The following TSPAN2 variants were observed in gnomAD, a reference collection of about 807,000 sequenced individuals.
TSPAN2 encodes tetraspanin-2.
Under a neutral mutation model 33.3 loss-of-function variants are expected in TSPAN2, and 24 were observed. The ratio of observed to expected loss-of-function variants is 0.72; its 90% confidence interval spans 0.52 to 1.01. The LOEUF (loss-of-function observed/expected upper bound fraction) is 1.01, where lower values mean the gene tolerates loss of function less well. TSPAN2 is among the 50% of genes least tolerant of loss of function. The probability of loss-of-function intolerance (pLI) is 0.00; values close to 1 mark genes in which losing one functional copy is unlikely to be tolerated. For synonymous variants in TSPAN2, 114 were observed against 104.5 expected (o/e 1.09, Z -0.56); for missense variants, 278 against 281.3 (o/e 0.99, Z 0.08).
At chr1:115,073,864 G>A (rs1178027759) in intron 1 of TSPAN2, among the ~76,000 whole-genome samples, 3 of 152,020 alleles carry the variant, frequency 2.0e-5, no homozygotes, top group Non-Finnish European at 4.4e-5. Context: ...CAGCTTGGAA[G>A]TTGGAAGCCC....
At chr1:115,085,008 C>T (rs144123328) in intron 1 of TSPAN2, among the ~76,000 whole-genome samples, 1 of 152,284 alleles carries the variant, frequency 6.6e-6, no homozygotes, top group East Asian at 1.9e-4. Context: ...GATAGGAAAA[C>T]ACTGACCATA....
chr1:115,057,455 C>T (rs1647476328), intron 6 of TSPAN2, 82 bp downstream of exon 6: 1 of 1,319,140 alleles, frequency 7.6e-7, no homozygotes, highest in South Asian at 1.2e-5. Context: ...ATGCAGATCC[C>T]ATCCGAGATT....
chr1:115,064,202 G>A (rs1647849265), intron 2 of TSPAN2, among the ~76,000 whole-genome samples: 1 of 152,234 alleles, frequency 6.6e-6, no homozygotes, highest in Non-Finnish European at 1.5e-5. Flanking sequence ...CAAGATGGCT[G>A]TAGGCAGGAT....
chr1:115,063,569 A>C (rs918682840), intron 2 of TSPAN2, among the ~76,000 whole-genome samples: 23 of 152,264 alleles, frequency 1.5e-4, no homozygotes, highest in Admixed American at 1.2e-3. Flanking sequence ...TGCTGGGTAA[A>C]TACCTAAAGG....
chr1:115,053,582 C>T, intron 6 of TSPAN2, 120 bp from the exon 7 acceptor site: 1 of 815,822 alleles, frequency 1.2e-6, no homozygotes. Context: ...CCAGCTTCTA[C>T]TCATGTTTCA....
chr1:115,060,425 T>A (rs1325019139), intron 4 of TSPAN2, 39 bp downstream of exon 4: 1 of 1,486,694 alleles, frequency 6.7e-7, no homozygotes, highest in African/African-American at 1.4e-5. Flanking sequence ...CTAACACTTT[T>A]AACCATCATA....
chr1:115,075,282 C>T (rs1453374694), intron 1 of TSPAN2, among the ~76,000 whole-genome samples: 1 of 152,156 alleles, frequency 6.6e-6, no homozygotes, highest in Admixed American at 6.5e-5. Context: ...CCCCTAACCC[C>T]CAACCACACG....
At chr1:115,062,810 A>G (rs1181576669) in intron 2 of TSPAN2, among the ~76,000 whole-genome samples, 2 of 152,036 alleles carry the variant, frequency 1.3e-5, no homozygotes, top group South Asian at 4.2e-4. Flanking sequence ...TCTGTGGGGA[A>G]CCCCTGGGCC....
chr1:115,089,433 G>T lies in TSPAN2; in HGVS notation c.-1C>A, dbSNP rs1307985105. ...GCAGGCCCCCGCGGAAGCGCCCCAT[G>T]CTGCGGCCCGGCGGCGGGATCCCCA... is the stretch of plus-strand genomic sequence containing the variant. On this transcript the variant is annotated 5_prime_UTR_variant, in exon 1 of 8. Transcript: ENST00000369516. 6 of 1,564,150 alleles carry T rather than the reference G, an allele frequency of 3.8e-6. No individual in the cohort carries two copies. In the Admixed American group the frequency reaches 9.1e-5, roughly 24 times the overall value.
At chr1:115,060,962 C>A (rs762322258) in intron 3 of TSPAN2, among the ~76,000 whole-genome samples, 3 of 152,046 alleles carry the variant, frequency 2.0e-5, no homozygotes, top group Non-Finnish European at 2.9e-5. Context: ...ATCACTGATG[C>A]GGCCTGGGCA....
At chr1:115,062,308 G>A (rs943324738) in intron 2 of TSPAN2, 76 bp from the exon 3 acceptor site, 3 of 1,120,306 alleles carry the variant, frequency 2.7e-6, no homozygotes, top group Non-Finnish European at 4.0e-6. Flanking sequence ...TAAGACTCTG[G>A]GCACTGCAGA....
intron 1 of TSPAN2, among the ~76,000 whole-genome samples, chr1:115,088,841 A>G (rs1435732354): frequency 6.6e-6 from 1 of 151,972 alleles, no homozygotes; most frequent in African/African-American, 2.4e-5. Context: ...TTTCACTCCT[A>G]TCTCCAATTT....
chr1:115,088,940 C>T (rs1648947804), intron 1 of TSPAN2, among the ~76,000 whole-genome samples: 1 of 152,216 alleles, frequency 6.6e-6, no homozygotes, highest in African/African-American at 2.4e-5. Context: ...GGTTTCTCTC[C>T]CATCACCCTG....
Position 115,049,223 on chromosome 1 carries a change from T to C in TSPAN2, c.*1267A>G, listed in dbSNP as rs1469059250. On this transcript the variant is annotated 3_prime_UTR_variant, in exon 8 of 8. Transcript: ENST00000369516. ...ATGAAGCGTTAAGACCAAAAAAACATTGAAAATTTTATTTTCACAGGGGAT... is the reference window on the plus strand; with the variant it reads ...ATGAAGCGTTAAGACCAAAAAAACACTGAAAATTTTATTTTCACAGGGGAT... The C allele has an allele frequency of 6.6e-6, 1 of 152,272 alleles. No homozygotes were observed. Among genetic ancestry groups the C allele is most frequent in the Non-Finnish European group, 1.5e-5 (1 of 67,976 alleles). 9.4% of individuals were successfully genotyped at this position (152,272 alleles called of 1,614,324 possible). A position where few individuals can be genotyped will look rare whatever the true frequency, so the allele number is the denominator to read the frequency against.
At chr1:115,062,083 G>T in intron 3 of TSPAN2, 52 bp downstream of exon 3, 1 of 1,433,802 alleles carries the variant, frequency 7.0e-7, no homozygotes, top group Non-Finnish European at 9.6e-7. Context: ...CCCTTCAGAT[G>T]CAGGCCGCTC....
At chr1:115,072,023 C>T (rs1045891195) in intron 2 of TSPAN2, among the ~76,000 whole-genome samples, 8 of 152,134 alleles carry the variant, frequency 5.3e-5, no homozygotes, top group African/African-American at 1.9e-4. Context: ...TGGTGCAGAT[C>T]CTAAAACAGC....
At chr1:115,071,894 G>GCT (rs113912922) in intron 2 of TSPAN2, among the ~76,000 whole-genome samples, 3,850 of 152,012 alleles carry the variant, frequency 0.025, 198 homozygotes, top group African/African-American at 0.089. Context: ...TGGGGCCTGC[G>GCT]CTCTCTCTCT....
chr1:115,079,413 A>G (rs1316823573), intron 1 of TSPAN2, among the ~76,000 whole-genome samples: 1 of 152,172 alleles, frequency 6.6e-6, no homozygotes, highest in East Asian at 1.9e-4. Flanking sequence ...TGTAAACCCC[A>G]TTATGATACC....
In TSPAN2 at chr1:115,066,679, A is replaced by ATT. The variant is rs34659057; in HGVS notation, c.173-4449_173-4448dup. Among the ~76,000 whole-genome samples the ATT allele has an allele frequency of 2.6e-5, 4 of 152,024 alleles. No individual in the cohort carries two copies. The South Asian group carries it at 8.3e-4, about 32-fold the overall frequency. ...GGTTTTACATAATCTGCTAATGACC[A>ATT]TTTTTTTATTTGAAATTTTTTTATG... is the stretch of plus-strand genomic sequence containing the variant. On this transcript the variant is annotated intron_variant, in intron 2 of 7. Transcript: ENST00000369516.
Sources: gnomAD v4.1 joint callset for allele counts (sites outside exome capture counted in the v4.1 genomes callset) on GRCh38, gnomAD v4.1.1 for gene constraint, MANE v1.5 for transcripts, NCBI Gene and HGNC (gene_info 2026-07-23, HGNC 2026-07-21) for gene names.